ME1: variants seen among roughly 807,000 people sequenced by gnomAD.
ME1 encodes malic enzyme 1, also known as NADP-dependent malic enzyme.
Under a neutral mutation model 66.4 loss-of-function variants are expected in ME1, and 74 were observed. The observed-to-expected ratio is 1.11, with a 90% CI of 0.92 to 1.35. The LOEUF (loss-of-function observed/expected upper bound fraction) is 1.35, where lower values mean the gene tolerates loss of function less well. Ranked by LOEUF, ME1 falls within the 40% of genes most tolerant of loss-of-function variation. The pLI, the probability that ME1 is intolerant of heterozygous loss-of-function variation, is 0.00. For missense variants in ME1, 750 were observed against 694.1 expected (o/e 1.08, Z -0.90); for synonymous variants, 251 against 235.6 (o/e 1.07, Z -0.60).
At chr6:83,309,264 C>T (rs1767885857) in intron 6 of ME1, among the ~76,000 whole-genome samples, 1 of 151,244 alleles carries the variant, frequency 6.6e-6, no homozygotes, top group African/African-American at 2.4e-5. Context: ...AATTTTCAGG[C>T]TAAAGGGCAA....
At chr6:83,374,194 T>C (rs1769244476) in intron 3 of ME1, among the ~76,000 whole-genome samples, 1 of 152,224 alleles carries the variant, frequency 6.6e-6, no homozygotes, top group Non-Finnish European at 1.5e-5. Context: ...TCCATAATGG[T>C]TGAACTAATT....
chr6:83,243,598 T>C lies in ME1; in HGVS notation c.815-3962A>G, dbSNP rs1790552399. Among the ~76,000 whole-genome samples the C allele has an allele frequency of 2.1e-5, 2 of 93,512 alleles. 1 individual carries two copies. The highest frequency in any genetic ancestry group is 3.7e-5 in the Non-Finnish European group (2 of 54,318). 61.3% of individuals were successfully genotyped at this position (93,512 alleles called of 152,430 possible). A position where few individuals can be genotyped will look rare whatever the true frequency, so the allele number is the denominator to read the frequency against. On this transcript the variant is annotated intron_variant, in intron 7 of 13. Coordinates refer to ENST00000369705, the MANE Select transcript of ME1 (RefSeq NM_002395.6). ...AATTACATTATATCGATATAATCTA[T>C]TATAATTACATTATATCGATATAAT...
intron 2 of ME1, among the ~76,000 whole-genome samples, chr6:83,405,223 T>C (rs953699639): frequency 6.6e-6 from 1 of 152,192 alleles, no homozygotes; most frequent in Non-Finnish European, 1.5e-5. Flanking sequence ...GTCCTTCACA[T>C]CCCTTGTTAG....
rs138738479 is a variant in ME1 at position 83,388,963 on chromosome 6, C to T, written c.362+9404G>A. On this transcript the variant is annotated intron_variant, in intron 3 of 13. Coordinates refer to ENST00000369705, the MANE Select transcript of ME1 (RefSeq NM_002395.6). ...AAACCCCAGCTCTACTAAAAAAATA[C>T]AAAAAAATAGCTGGGCATGGTGGTG... 6.5e-3 allele frequency among the ~76,000 whole-genome samples: 993 copies of T among 151,918 alleles called. 10 individuals carry two copies. The highest frequency in any genetic ancestry group is 0.023 in the African/African-American group (941 of 41,430).
intron 12 of ME1, among the ~76,000 whole-genome samples, chr6:83,217,637 A>T (rs1222218185): frequency 6.6e-6 from 1 of 152,208 alleles, no homozygotes. Flanking sequence ...CCAGAGGAAG[A>T]GCAGTTCTGG....
chr6:83,322,868 G>A lies in ME1; in HGVS notation c.601-7455C>T, dbSNP rs556905828. On this transcript the variant is annotated intron_variant, in intron 5 of 13. Coordinates refer to ENST00000369705, the MANE Select transcript of ME1 (RefSeq NM_002395.6). ...ATGCATAATCGTCAGATCCACCATC[G>A]TTGAAATGAAGAAAAAAATTTAAGG... Among the ~76,000 whole-genome samples the A allele has an allele frequency of 3.9e-5, 6 of 152,274 alleles. No homozygotes were observed. The East Asian group carries it at 5.8e-4, about 15-fold the overall frequency.
At chr6:83,221,302 T>C (rs9444047) in intron 12 of ME1, among the ~76,000 whole-genome samples, 28,169 of 152,132 alleles carry the variant, frequency 0.19, 3,659 homozygotes, top group African/African-American at 0.36. Flanking sequence ...CGGAGAAAGA[T>C]CAAGATGAGC....
chr6:83,357,927 CTCTCTCTCTATATATATATATATATATA>C (rs1768924839), intron 3 of ME1, among the ~76,000 whole-genome samples: 1 of 58,334 alleles, frequency 1.7e-5, no homozygotes, highest in South Asian at 7.2e-4. Flanking sequence ...CTCTCTCTCT[CTCTCTCTCTATATATATATATATATATA>C]TATATATATA....
intron 12 of ME1, among the ~76,000 whole-genome samples, chr6:83,222,098 A>G (rs1790105499): frequency 6.6e-6 from 1 of 152,190 alleles, no homozygotes; most frequent in Admixed American, 6.5e-5. Context: ...GAGTTATTTA[A>G]GAAAGAAAAC....
At chr6:83,302,630 T>C (rs1767748297) in intron 6 of ME1, among the ~76,000 whole-genome samples, 1 of 152,298 alleles carries the variant, frequency 6.6e-6, no homozygotes, top group African/African-American at 2.4e-5. Context: ...TAGGATACTA[T>C]ACAGAAAACT....
intron 6 of ME1, among the ~76,000 whole-genome samples, chr6:83,299,510 T>C (rs952242896): frequency 5.9e-5 from 9 of 152,270 alleles, no homozygotes; most frequent in Non-Finnish European, 1.3e-4. Context: ...GCTGAGACCA[T>C]GGGGTTTTCT....
intron 5 of ME1, among the ~76,000 whole-genome samples, chr6:83,332,587 A>G (rs918659988): frequency 1.3e-5 from 2 of 152,232 alleles, no homozygotes; most frequent in Non-Finnish European, 2.9e-5. Flanking sequence ...AAGAAAGGAT[A>G]AAACAATGTC....
At chr6:83,390,753 T>C (rs1276710211) in intron 3 of ME1, among the ~76,000 whole-genome samples, 1 of 152,084 alleles carries the variant, frequency 6.6e-6, no homozygotes, top group Non-Finnish European at 1.5e-5. Flanking sequence ...GAAAGAATAA[T>C]ACAACAAATA....
chr6:83,362,872 G>T (rs1291667499), intron 3 of ME1, among the ~76,000 whole-genome samples: 1 of 152,204 alleles, frequency 6.6e-6, no homozygotes, highest in Admixed American at 6.5e-5. Context: ...TATGGCCAAA[G>T]AAGTGTGGCA....
intron 1 of ME1, among the ~76,000 whole-genome samples, chr6:83,428,133 A>C (rs1184219647): frequency 1.3e-5 from 2 of 152,346 alleles, no homozygotes; most frequent in East Asian, 3.9e-4. Context: ...ATGCTTCCCT[A>C]GAAAGATCAT....
intron 11 of ME1, among the ~76,000 whole-genome samples, chr6:83,226,402 G>GCTAA (rs1045265663): frequency 1.3e-5 from 2 of 152,132 alleles, no homozygotes; most frequent in African/African-American, 4.8e-5. Context: ...AAGGCATGAT[G>GCTAA]CTAAGACTTG....
At chr6:83,326,113 T>G (rs1768286163) in intron 5 of ME1, among the ~76,000 whole-genome samples, 1 of 152,130 alleles carries the variant, frequency 6.6e-6, no homozygotes, top group Admixed American at 6.6e-5. Flanking sequence ...TACAACTATA[T>G]GATCTTTCAC....
chr6:83,261,420 ATT>A (rs57450786), intron 6 of ME1, among the ~76,000 whole-genome samples: 6 of 110,866 alleles, frequency 5.4e-5, no homozygotes, highest in Non-Finnish European at 8.9e-5. Context: ...TCTGTTGGTA[ATT>A]TTTTTTTTTT....
At chr6:83,308,316 T>G (rs1157819837) in intron 6 of ME1, among the ~76,000 whole-genome samples, 1 of 152,070 alleles carries the variant, frequency 6.6e-6, no homozygotes, top group Non-Finnish European at 1.5e-5. Context: ...ATTTATTCCA[T>G]TTAAAAAATT....
Sources: allele counts gnomAD v4.1 joint callset (sites outside exome capture counted in the v4.1 genomes callset), GRCh38; gene constraint gnomAD v4.1.1; transcripts MANE v1.5; gene names NCBI Gene and HGNC (gene_info 2026-07-23, HGNC 2026-07-21).